EPB41L2: variants seen among roughly 807,000 people sequenced by gnomAD.
The protein encoded by EPB41L2 is band 4.1-like protein 2.
EPB41L2 carries 43 observed loss-of-function variants against 113.0 expected under a neutral mutation model. The observed-to-expected ratio is 0.38, with a 90% CI of 0.30 to 0.49. The LOEUF (loss-of-function observed/expected upper bound fraction) is 0.49, where lower values mean the gene tolerates loss of function less well. Among genes scored for constraint, EPB41L2 ranks in the 20% least tolerant of loss-of-function variants. The probability of loss-of-function intolerance (pLI) is 0.95; values close to 1 mark genes in which losing one functional copy is unlikely to be tolerated. For synonymous variants in EPB41L2, 442 were observed against 436.7 expected (o/e 1.01, Z -0.15); for missense variants, 1,147 against 1,223.4 (o/e 0.94, Z 0.93).
intron 1 of EPB41L2, among the ~76,000 whole-genome samples, chr6:131,027,855 C>T (rs2128747414): frequency 6.6e-6 from 1 of 152,000 alleles, no homozygotes; most frequent in South Asian, 2.1e-4. Context: ...TGAACTATTC[C>T]CAAGGAAGGC....
In EPB41L2 at chr6:130,855,973, T is replaced by C. The variant is rs545144738; in HGVS notation, c.*5+2158A>G. ...TGGCACTGGAGCAGGGATAGACGCA[T>C]GGACCAATAGAAATAGTGTCAGAAA... is the stretch of plus-strand genomic sequence containing the variant. On this transcript the variant is annotated intron_variant, in intron 19 of 19. Transcript: ENST00000337057. 1.1e-3 allele frequency among the ~76,000 whole-genome samples: 162 copies of C among 152,196 alleles called. 2 individuals carry two copies. Among genetic ancestry groups the C allele is most frequent in the Non-Finnish European group, 6.8e-4 (46 of 68,026 alleles).
chr6:130,943,126 T>C lies in EPB41L2; in HGVS notation c.705+11979A>G, dbSNP rs563120875. 5.3e-5 allele frequency among the ~76,000 whole-genome samples: 8 copies of C among 152,306 alleles called. No individual in the cohort carries two copies. The East Asian group carries it at 1.5e-3, about 29-fold the overall frequency. On this transcript the variant is annotated intron_variant, in intron 3 of 19. Transcript: ENST00000337057. Reference sequence around the variant, plus strand: ...GGTATATACCCAGTAATGGGATTGCTGGGTCAAATGGTATTTCTGGTTCTA... The same window carrying C: ...GGTATATACCCAGTAATGGGATTGCCGGGTCAAATGGTATTTCTGGTTCTA...
In EPB41L2 at chr6:131,036,741, T is replaced by C. The variant is rs142707102; in HGVS notation, c.-15+26414A>G. Among the ~76,000 whole-genome samples, 243 of 152,272 alleles carry C rather than the reference T, an allele frequency of 1.6e-3. 1 individual carries two copies. The highest frequency in any genetic ancestry group is 5.7e-3 in the African/African-American group (235 of 41,566). ...CCAGGTTTTTTTTAAGATCCCCAAATGTTTCTATTGTACAAGCCAGGGTTG... is the reference window on the plus strand; with the variant it reads ...CCAGGTTTTTTTTAAGATCCCCAAACGTTTCTATTGTACAAGCCAGGGTTG... On this transcript the variant is annotated intron_variant, in intron 1 of 19. Transcript: ENST00000337057.
chr6:130,909,532 C>T (rs147929849), intron 4 of EPB41L2, among the ~76,000 whole-genome samples: 3 of 152,250 alleles, frequency 2.0e-5, no homozygotes, highest in African/African-American at 7.2e-5. Context: ...GCAGCTCTGG[C>T]CAGGCCAATC....
At position 130,955,244 on chromosome 6, in the gene EPB41L2, GCTC is replaced by G; in HGVS notation, c.563_565del (p.Gly188del). 1 of 1,613,924 alleles carries G rather than the reference GCTC, an allele frequency of 6.2e-7. No individual in the cohort carries two copies. Among genetic ancestry groups the G allele is most frequent in the Non-Finnish European group, 8.5e-7 (1 of 1,179,968 alleles). ...CACTTCCTTGGTCTCCCTTTTTGCT[GCTC>G]CTCCTTCTAATTTGTCTTCCTGTGT... On this transcript the variant is annotated inframe_deletion, in exon 3 of 20. Transcript: ENST00000337057.
At chr6:130,851,167 T>A (rs750786462) in intron 19 of EPB41L2, among the ~76,000 whole-genome samples, 8 of 152,028 alleles carry the variant, frequency 5.3e-5, no homozygotes, top group Non-Finnish European at 1.2e-4. Context: ...AGTCAATAGG[T>A]TTGTTCTCTT....
At chr6:130,922,044 G>T (rs1803045856) in intron 4 of EPB41L2, among the ~76,000 whole-genome samples, 1 of 152,216 alleles carries the variant, frequency 6.6e-6, no homozygotes, top group South Asian at 2.1e-4. Context: ...CAATGAATGT[G>T]CATTTCTATG....
chr6:131,034,436 C>T (rs1459280271), intron 1 of EPB41L2, among the ~76,000 whole-genome samples: 4 of 152,082 alleles, frequency 2.6e-5, no homozygotes, highest in Non-Finnish European at 5.9e-5. Flanking sequence ...GGTGAAACCT[C>T]GTATCTACAA....
At chr6:130,994,790 C>G (rs1782674928) in intron 1 of EPB41L2, among the ~76,000 whole-genome samples, 1 of 152,148 alleles carries the variant, frequency 6.6e-6, no homozygotes, top group African/African-American at 2.4e-5. Flanking sequence ...TTAGGGCAAA[C>G]CTGACTCCCG....
At chr6:130,908,419 A>T (rs546628005) in intron 5 of EPB41L2, among the ~76,000 whole-genome samples, 7 of 152,290 alleles carry the variant, frequency 4.6e-5, no homozygotes, top group African/African-American at 1.7e-4. Context: ...CAGTGTCTCT[A>T]TGTCTCTGTG....
chr6:130,886,086 C>G (rs748232678), intron 11 of EPB41L2, among the ~76,000 whole-genome samples: 1 of 152,178 alleles, frequency 6.6e-6, no homozygotes, highest in African/African-American at 2.4e-5. Flanking sequence ...AACAGAACTA[C>G]CACAAGGTCA....
chr6:130,925,809 A>C (rs548515732), intron 4 of EPB41L2, among the ~76,000 whole-genome samples: 21 of 152,338 alleles, frequency 1.4e-4, no homozygotes, highest in Non-Finnish European at 2.9e-4. Flanking sequence ...ACAGAGTTCT[A>C]TTAAGAATAC....
rs146101782 is a variant in EPB41L2 at position 130,956,304 on chromosome 6, C to T, written c.182G>A (p.Arg61His). The change falls in exon 2 of 20, where the codon CGC (arginine) becomes CAC (histidine). Residue 61 changes from arginine to histidine, a missense_variant. Physicochemically the swap from Arg to His is conservative, Grantham distance 29. Coordinates refer to ENST00000337057, the MANE Select transcript of EPB41L2 (RefSeq NM_001431.4). ...PAAESQSSLR[R>H]QKREKETSES... ...CGATGTTTCCTTCTCTCTCTTCTGG[C>T]GGCGTAGACTACTTTGGCTTTCAGC... 1.9e-5 allele frequency: 30 copies of T among 1,614,100 alleles called. No homozygotes were observed. Among genetic ancestry groups the T allele is most frequent in the East Asian group, 1.1e-4 (5 of 44,878 alleles).
At chr6:131,057,796 T>A (rs1298967901) in intron 1 of EPB41L2, among the ~76,000 whole-genome samples, 1 of 152,214 alleles carries the variant, frequency 6.6e-6, no homozygotes, top group African/African-American at 2.4e-5. Flanking sequence ...ACTGGTCTCT[T>A]CAGAAAGATT....
At chr6:131,014,902 T>C (rs1221103021) in intron 1 of EPB41L2, among the ~76,000 whole-genome samples, 2 of 152,154 alleles carry the variant, frequency 1.3e-5, no homozygotes, top group African/African-American at 4.8e-5. Context: ...AGGGAAGAAA[T>C]CCGGAAAGCA....
At chr6:130,919,381 C>T (rs1802146329) in intron 4 of EPB41L2, among the ~76,000 whole-genome samples, 1 of 152,136 alleles carries the variant, frequency 6.6e-6, no homozygotes, top group Admixed American at 6.5e-5. Flanking sequence ...TTGACTTCAG[C>T]CATCCCCTTT....
At chr6:130,996,772 C>G (rs955482012) in intron 1 of EPB41L2, among the ~76,000 whole-genome samples, 5 of 152,184 alleles carry the variant, frequency 3.3e-5, no homozygotes, top group African/African-American at 9.6e-5. Flanking sequence ...TGGAAATGTT[C>G]AACCAAAATG....
At chr6:130,885,686 T>C (rs1002078861) in intron 11 of EPB41L2, among the ~76,000 whole-genome samples, 1 of 152,214 alleles carries the variant, frequency 6.6e-6, no homozygotes, top group Admixed American at 6.5e-5. Context: ...ATTATTAAGA[T>C]GATTTGCTCC....
At chr6:130,933,911 T>C (rs1807834831) in intron 3 of EPB41L2, among the ~76,000 whole-genome samples, 1 of 152,156 alleles carries the variant, frequency 6.6e-6, no homozygotes, top group Non-Finnish European at 1.5e-5. Context: ...ACTGTCTCCG[T>C]GTAGGGCCCT....
Sources: gnomAD v4.1 joint callset for allele counts (sites outside exome capture counted in the v4.1 genomes callset) on GRCh38, gnomAD v4.1.1 for gene constraint, MANE v1.5 for transcripts, NCBI Gene and HGNC (gene_info 2026-07-23, HGNC 2026-07-21) for gene names.